BBOF1: variants seen among roughly 807,000 people sequenced by gnomAD.
The protein encoded by BBOF1 is basal body orientation factor 1.
A neutral mutation model predicts 68.0 loss-of-function variants in BBOF1; 62 were observed. The observed-to-expected ratio is 0.91, with a 90% CI of 0.74 to 1.13. The LOEUF (loss-of-function observed/expected upper bound fraction) is 1.13. BBOF1 is among the 50% of genes most tolerant of loss of function. The probability of loss-of-function intolerance (pLI) is 0.00; values close to 1 mark genes in which losing one functional copy is unlikely to be tolerated. For synonymous variants in BBOF1, 208 were observed against 198.8 expected, an observed-to-expected ratio of 1.05 and a Z score of -0.39; for missense variants, 534 against 600.1, an observed-to-expected ratio of 0.89 and a Z score of 1.15.
At chr14:74,059,392 T>C (rs752338979) in intron 11 of BBOF1, 1 of 456,098 alleles carries the variant, frequency 2.2e-6, no homozygotes, top group East Asian at 7.0e-5. Context: ...GAAATAATTT[T>C]CTAAGAAAAT....
chr14:74,072,037 A>C, intron 9 of BBOF1: 2 of 1,584,510 alleles, frequency 1.3e-6, no homozygotes, highest in Non-Finnish European at 8.7e-7. Flanking sequence ...ATTCTGAGGT[A>C]GCAAAGGAAG....
chr14:74,058,222 G>A (rs1339556767), intron 11 of BBOF1: 2 of 152,270 alleles, frequency 1.3e-5, no homozygotes, highest in Admixed American at 1.3e-4. Flanking sequence ...AGCTACTCGG[G>A]AGACTGAGGC....
chr14:74,041,296 CCTT>C (rs953106061), intron 5 of BBOF1, among the ~76,000 whole-genome samples: 9 of 152,238 alleles, frequency 5.9e-5, no homozygotes, highest in African/African-American at 1.9e-4. Flanking sequence ...GAGCAAGACT[CCTT>C]CTCAAATAAA....
chr14:74,046,160 T>C (rs1249599708), intron 6 of BBOF1, 30 bp downstream of exon 6: 1 of 1,552,310 alleles, frequency 6.4e-7, no homozygotes, highest in East Asian at 2.3e-5. Context: ...TTTCTGACTC[T>C]GATTACCTCT....
chr14:74,069,968 C>T (rs1462362745), downstream of BBOF1, among the ~76,000 whole-genome samples: 2 of 151,006 alleles, frequency 1.3e-5, no homozygotes, highest in Admixed American at 1.3e-4. Context: ...CTTCCCACCT[C>T]ATGGGACTAC....
At chr14:74,072,870 G>C (rs2060569718) in intron 9 of BBOF1, among the ~76,000 whole-genome samples, 1 of 151,754 alleles carries the variant, frequency 6.6e-6, no homozygotes, top group African/African-American at 2.4e-5. Context: ...TATGATCTCG[G>C]CTCACTGCAA....
chr14:74,030,507 T>A (rs2059539083), intron 3 of BBOF1, among the ~76,000 whole-genome samples: 1 of 152,086 alleles, frequency 6.6e-6, no homozygotes, highest in South Asian at 2.1e-4. Context: ...AATCCAACTT[T>A]TTTTTTTAGA....
chr14:74,021,662 G>T (rs906692819), intron 1 of BBOF1, among the ~76,000 whole-genome samples: 3 of 151,632 alleles, frequency 2.0e-5, no homozygotes, highest in Admixed American at 6.6e-5. Flanking sequence ...CTAGTGACTT[G>T]ACTTTTTGTC....
chr14:74,019,442 G>T lies in BBOF1; in HGVS notation c.-37G>T. 6.3e-7 allele frequency: 1 copy of T among 1,588,124 alleles called. No homozygotes were observed. ...AGAGCTGGCCAGGGCGGCCGCGGCT[G>T]GGCAACTACGACAGCGGAGCCCCTG... On this transcript the variant is annotated 5_prime_UTR_variant, in exon 1 of 12. Coordinates refer to ENST00000394009, the MANE Select transcript of BBOF1 (RefSeq NM_025057.3).
intron 4 of BBOF1, among the ~76,000 whole-genome samples, chr14:74,039,326 AATTGGTTGCTTGCTGTTGGAC>A (rs1360808878): frequency 1.3e-5 from 2 of 152,142 alleles, no homozygotes; most frequent in Admixed American, 1.3e-4. Flanking sequence ...TTAATTTATT[AATTGGTTGCTTGCTGTTGGAC>A]ATTTGGACTT....
chr14:74,023,989 A>C (rs2140947457), intron 2 of BBOF1, among the ~76,000 whole-genome samples: 1 of 151,986 alleles, frequency 6.6e-6, no homozygotes, highest in African/African-American at 2.4e-5. Context: ...TGGAGCCACT[A>C]CAATGTACTA....
intron 5 of BBOF1, 79 bp downstream of exon 5, chr14:74,040,724 C>T: frequency 1.3e-6 from 1 of 797,032 alleles, no homozygotes; most frequent in South Asian, 1.9e-5. Context: ...GAAACATCAG[C>T]CTTCCATTTG....
chr14:74,053,062 A>T (rs1025888245), intron 8 of BBOF1, among the ~76,000 whole-genome samples: 6 of 152,002 alleles, frequency 3.9e-5, no homozygotes, highest in Admixed American at 6.6e-5. Flanking sequence ...TAAATTTTTT[A>T]AAAAATGAAG....
intron 2 of BBOF1, among the ~76,000 whole-genome samples, chr14:74,024,551 G>C (rs535311440): frequency 6.6e-6 from 1 of 152,062 alleles, no homozygotes; most frequent in Admixed American, 6.6e-5. Flanking sequence ...CCACAGGATC[G>C]ACATCCGGGC....
At chr14:74,050,328 G>A (rs2060038687) in intron 8 of BBOF1, 133 bp downstream of exon 8, 1 of 995,512 alleles carries the variant, frequency 1.0e-6, no homozygotes, top group South Asian at 2.1e-5. Flanking sequence ...TTGAGGACAG[G>A]AACTGACTTA....
At chr14:74,040,073 T>G (rs1256040979) in intron 4 of BBOF1, among the ~76,000 whole-genome samples, 2 of 152,088 alleles carry the variant, frequency 1.3e-5, no homozygotes, top group African/African-American at 4.8e-5. Flanking sequence ...CTGCAGTCTC[T>G]GCCTCTTGGG....
At chr14:74,069,594 T>C (rs751900214), downstream of BBOF1, among the ~76,000 whole-genome samples, 306 of 151,542 alleles carry the variant, frequency 2.0e-3, no homozygotes, top group Non-Finnish European at 3.4e-3. Context: ...CTACTAAAAA[T>C]ACAAAAAAAT....
In BBOF1 at chr14:74,034,087, A is replaced by G. The variant is rs1389818940; in HGVS notation, c.411A>G (p.Lys137=). Residue 137 remains lysine (K), a synonymous_variant, in exon 4 of 12, where the codon AAA becomes AAG. Transcript: ENST00000394009. The stretch of plus-strand genomic sequence containing the variant: ...AGGGACAGTTCCATCAAAAAGCCAA[A>G]GAAATTGGCATGATTCACACAGAGC... ...ELEGQFHQKA[K]EIGMIHTELK... 3 of 1,608,238 alleles carry G rather than the reference A, an allele frequency of 1.9e-6. No homozygotes were observed. The African/African-American group carries it at 4.0e-5, about 22-fold the overall frequency.
At chr14:74,072,119 G>A in intron 9 of BBOF1, 1 of 1,598,978 alleles carries the variant, frequency 6.3e-7, no homozygotes, top group South Asian at 1.1e-5. Context: ...CAGAGTAAGG[G>A]AGGGTGGCTG....
Sources: gnomAD v4.1 joint callset for allele counts (sites outside exome capture counted in the v4.1 genomes callset) on GRCh38, gnomAD v4.1.1 for gene constraint, MANE v1.5 for transcripts, NCBI Gene and HGNC (gene_info 2026-07-23, HGNC 2026-07-21) for gene names.